Variants in ZC2HC1A observed in about 807,000 individuals in gnomAD.
ZC2HC1A encodes zinc finger C2HC-type containing 1A.
Under a neutral mutation model 40.7 loss-of-function variants are expected in ZC2HC1A, and 28 were observed. The observed-to-expected ratio is 0.69, with a 90% CI of 0.51 to 0.94. The LOEUF is 0.94. ZC2HC1A is among the 40% of genes least tolerant of loss of function. The pLI, the probability that ZC2HC1A is intolerant of heterozygous loss-of-function variation, is 0.00. For synonymous variants in ZC2HC1A, 129 were observed against 129.2 expected (o/e 1.00, Z 0.01); for missense variants, 389 against 386.3 (o/e 1.01, Z -0.06).
At chr8:78,710,112 G>A (rs150950022) in intron 7 of ZC2HC1A, among the ~76,000 whole-genome samples, 54 of 152,212 alleles carry the variant, frequency 3.5e-4, no homozygotes, top group African/African-American at 1.1e-3. Flanking sequence ...TCAGCTATGA[G>A]TATTTTGAAG....
chr8:78,688,098 T>TGC, intron 4 of ZC2HC1A, among the ~76,000 whole-genome samples: 2 of 151,354 alleles, frequency 1.3e-5, no homozygotes, highest in Non-Finnish European at 2.9e-5. Context: ...CGAAACCCTG[T>TGC]TCTAGAGTAT....
At chr8:78,716,879 T>G (rs1811124050) in intron 8 of ZC2HC1A, among the ~76,000 whole-genome samples, 1 of 152,134 alleles carries the variant, frequency 6.6e-6, no homozygotes, top group Non-Finnish European at 1.5e-5. Flanking sequence ...AACTGTATAG[T>G]ACCTGCCCCT....
At chr8:78,681,925 G>A (rs1173877619) in intron 3 of ZC2HC1A, among the ~76,000 whole-genome samples, 1 of 93,898 alleles carries the variant, frequency 1.1e-5, no homozygotes, top group African/African-American at 4.4e-5. Flanking sequence ...TCTTTTTTTT[G>A]AGACAGGGAT....
chr8:78,669,781 A>G (rs1228831952), intron 1 of ZC2HC1A, among the ~76,000 whole-genome samples: 3 of 152,116 alleles, frequency 2.0e-5, no homozygotes, highest in Non-Finnish European at 4.4e-5. Flanking sequence ...TCACCATGTA[A>G]CATTTTATAT....
At chr8:78,681,901 C>CTTTTTTTTTTTTTTTTTT (rs56181953) in intron 3 of ZC2HC1A, among the ~76,000 whole-genome samples, 5 of 126,486 alleles carry the variant, frequency 4.0e-5, no homozygotes, top group African/African-American at 8.5e-5. Context: ...CTTTTTCTTT[C>CTTTTTTTTTTTTTTTTTT]TTTTTTTTTT....
chr8:78,675,886 T>C, intron 2 of ZC2HC1A, 23 bp downstream of exon 2: 6 of 1,581,258 alleles, frequency 3.8e-6, no homozygotes, highest in Non-Finnish European at 5.2e-6. Flanking sequence ...ATTTTGTACC[T>C]TTATGGTTTT....
intron 4 of ZC2HC1A, 108 bp downstream of exon 4, chr8:78,686,716 A>G (rs1378747135): frequency 8.5e-7 from 1 of 1,180,520 alleles, no homozygotes; most frequent in Non-Finnish European, 1.1e-6. Flanking sequence ...GAGTGTTATG[A>G]GGCATAATCT....
Position 78,689,213 on chromosome 8 carries a change from C to A in ZC2HC1A, c.353-9C>A. ...GCTATTAATCTGTTTCCGTTTTTAT[C>A]TGTTATAGATTATATTCAATGTCCA... On this transcript the variant is annotated splice_polypyrimidine_tract_variant and intron_variant, in intron 4 of 8. Transcript: ENST00000263849. 2 of 1,461,002 alleles carry A rather than the reference C, an allele frequency of 1.4e-6. No homozygotes were observed. Among genetic ancestry groups the A allele is most frequent in the Non-Finnish European group, 1.8e-6 (2 of 1,104,192 alleles). The allele number at this position is 1,461,002 out of a possible 1,614,324, so 90.5% of individuals were successfully genotyped here.
intron 5 of ZC2HC1A, among the ~76,000 whole-genome samples, chr8:78,693,660 A>C (rs1316642365): frequency 6.6e-6 from 1 of 152,004 alleles, no homozygotes; most frequent in Admixed American, 6.6e-5. Context: ...AGATTGCAAA[A>C]ATTTTCTCCC....
chr8:78,704,199 T>G (rs912947690), intron 7 of ZC2HC1A, among the ~76,000 whole-genome samples: 1 of 151,868 alleles, frequency 6.6e-6, no homozygotes, highest in Non-Finnish European at 1.5e-5. Context: ...CTGACCAATG[T>G]GGTGAAAGCC....
At chr8:78,684,543 A>T (rs987873147) in intron 3 of ZC2HC1A, among the ~76,000 whole-genome samples, 8 of 152,214 alleles carry the variant, frequency 5.3e-5, no homozygotes, top group African/African-American at 1.9e-4. Context: ...ACACAGCCAA[A>T]CTATATCAAT....
chr8:78,686,661 G>A, intron 4 of ZC2HC1A, 53 bp downstream of exon 4: 2 of 1,400,046 alleles, frequency 1.4e-6, no homozygotes, highest in East Asian at 5.2e-5. Flanking sequence ...AATAATGATA[G>A]AGTTTTTATA....
At chr8:78,679,999 G>C (rs777220109) in intron 3 of ZC2HC1A, among the ~76,000 whole-genome samples, 3 of 152,090 alleles carry the variant, frequency 2.0e-5, no homozygotes, top group Non-Finnish European at 2.9e-5. Context: ...TGGCTCAAGA[G>C]TCAGACTGTC....
At chr8:78,681,689 G>C (rs1462031961) in intron 3 of ZC2HC1A, among the ~76,000 whole-genome samples, 1 of 152,060 alleles carries the variant, frequency 6.6e-6, no homozygotes, top group Non-Finnish European at 1.5e-5. Context: ...TTCTTTGTGG[G>C]AAGGAAAATA....
At chr8:78,675,231 TA>T (rs1340768675) in intron 1 of ZC2HC1A, among the ~76,000 whole-genome samples, 1 of 151,818 alleles carries the variant, frequency 6.6e-6, no homozygotes. Context: ...TGACTCTTAA[TA>T]TAAGTATTAT....
chr8:78,699,399 G>A (rs1810528160), intron 7 of ZC2HC1A, among the ~76,000 whole-genome samples: 1 of 152,112 alleles, frequency 6.6e-6, no homozygotes, highest in East Asian at 1.9e-4. Flanking sequence ...GAATGAAGGT[G>A]TATGTCTATA....
chr8:78,670,874 C>T (rs1230598065), intron 1 of ZC2HC1A, among the ~76,000 whole-genome samples: 1 of 152,044 alleles, frequency 6.6e-6, no homozygotes, highest in African/African-American at 2.4e-5. Flanking sequence ...AAAAACTCTT[C>T]TAGGATGAGC....
rs754655906 is a variant in ZC2HC1A, at chr8:78,678,583, C to T, written c.114C>T (p.Cys38=). The part of the protein sequence containing the change: ...PVALKKHGPI[C]QKTATKKRKT... Reference sequence around the variant, plus strand: ...AACAGAAAAAACATGGACCCATTTGCCAGAAGACTGCAACTAAAAAACGGA... The same window carrying T: ...AACAGAAAAAACATGGACCCATTTGTCAGAAGACTGCAACTAAAAAACGGA... The change falls in exon 3 of 9, where the codon TGC becomes TGT. Residue 38 remains cysteine (C), a synonymous_variant. Coordinates refer to ENST00000263849, the MANE Select transcript of ZC2HC1A (RefSeq NM_016010.3). 2 of 1,610,656 alleles carry T rather than the reference C, an allele frequency of 1.2e-6. No homozygotes were observed. Among genetic ancestry groups the T allele is most frequent in the Admixed American group, 1.7e-5 (1 of 59,450 alleles).
At chr8:78,705,014 T>C (rs1376036833) in intron 7 of ZC2HC1A, among the ~76,000 whole-genome samples, 4 of 152,218 alleles carry the variant, frequency 2.6e-5, no homozygotes, top group African/African-American at 9.7e-5. Flanking sequence ...TTTATCATGA[T>C]TTTTAGCTTC....
Sources: gnomAD v4.1 joint callset for allele counts (sites outside exome capture counted in the v4.1 genomes callset) on GRCh38, gnomAD v4.1.1 for gene constraint, MANE v1.5 for transcripts, NCBI Gene and HGNC (gene_info 2026-07-23, HGNC 2026-07-21) for gene names.